Variants in IL1RAPL2 observed in about 807,000 individuals in gnomAD.
The protein encoded by IL1RAPL2 is X-linked interleukin-1 receptor accessory protein-like 2.
In IL1RAPL2, 3 loss-of-function variants were observed where a neutral mutation model predicts 44.1. The observed-to-expected ratio is 0.07, with a 90% CI of 0.03 to 0.18. IL1RAPL2 has a LOEUF of 0.18. Ranked by LOEUF, IL1RAPL2 falls within the 10% of genes least tolerant of loss-of-function variation. IL1RAPL2 has a pLI of 1.00. For missense variants in IL1RAPL2, 391 were observed against 496.4 expected (o/e 0.79, Z 2.02); for synonymous variants, 181 against 178.8 (o/e 1.01, Z -0.10).
intron 6 of IL1RAPL2, among the ~76,000 whole-genome samples, chrX:105,651,511 A>T (rs1303910603): frequency 8.9e-6 from 1 of 112,133 alleles, no homozygotes; most frequent in Non-Finnish European, 1.9e-5. Flanking sequence ...GGACAAAATG[A>T]TATCTCAAGA....
At position 104,671,000 on chromosome X, in the gene IL1RAPL2, T is replaced by C. The variant is rs1930588383; in HGVS notation, c.82+12005T>C. ...TATTGCATACAGGATAAAGGTAAAA[T>C]GCCTTGTAGCATATAATATATGGCA... On this transcript the variant is annotated intron_variant, in intron 2 of 10. Coordinates refer to ENST00000372582, the MANE Select transcript of IL1RAPL2 (RefSeq NM_017416.2). 2.7e-5 allele frequency among the ~76,000 whole-genome samples: 3 copies of C among 111,463 alleles called. No individual in the cohort carries two copies. In the South Asian group the frequency reaches 1.1e-3, roughly 42 times the overall value.
At chrX:105,170,550 A>G (rs765171198) in intron 2 of IL1RAPL2, among the ~76,000 whole-genome samples, 207 of 111,671 alleles carry the variant, frequency 1.9e-3, no homozygotes, top group Non-Finnish European at 3.3e-3. Context: ...CAATGACCCC[A>G]TGAAGTAGTC....
intron 6 of IL1RAPL2, among the ~76,000 whole-genome samples, chrX:105,703,316 C>A (rs982126355): frequency 2.7e-5 from 3 of 110,837 alleles, no homozygotes; most frequent in African/African-American, 9.8e-5. Context: ...CTATTGAGAA[C>A]CATTTAAATT....
intron 5 of IL1RAPL2, among the ~76,000 whole-genome samples, chrX:105,272,282 T>TA (rs377125862): frequency 1.7e-3 from 177 of 103,287 alleles, no homozygotes; most frequent in Admixed American, 3.2e-3. Flanking sequence ...TAAAGTATAA[T>TA]AAAAAAAAAA....
chrX:105,272,586 C>T (rs1222186307), intron 5 of IL1RAPL2, among the ~76,000 whole-genome samples: 1 of 111,838 alleles, frequency 8.9e-6, no homozygotes, highest in African/African-American at 3.2e-5. Context: ...AACCCATTGG[C>T]ATTTGAATAT....
intron 1 of IL1RAPL2, among the ~76,000 whole-genome samples, chrX:104,648,512 A>C (rs1945429677): frequency 8.9e-6 from 1 of 112,403 alleles, no homozygotes; most frequent in Non-Finnish European, 1.9e-5. Flanking sequence ...AATTTTGAGA[A>C]GACTATTGAC....
chrX:105,209,613 A>G (rs2033792020), intron 3 of IL1RAPL2, among the ~76,000 whole-genome samples: 2 of 111,873 alleles, frequency 1.8e-5, no homozygotes, highest in South Asian at 3.8e-4. Flanking sequence ...TGCTTACTCA[A>G]GGGCTCAAAG....
chrX:105,405,713 A>G (rs1363642411), intron 5 of IL1RAPL2: 9 of 961,960 alleles, frequency 9.4e-6, no homozygotes, highest in Admixed American at 2.2e-5. Context: ...ACTTAAATGA[A>G]TATGACTGAT....
intron 5 of IL1RAPL2, among the ~76,000 whole-genome samples, chrX:105,418,370 T>C (rs2035749687): frequency 9.0e-6 from 1 of 111,446 alleles, no homozygotes; most frequent in South Asian, 3.7e-4. Flanking sequence ...GTTAAAGCTC[T>C]CCCTGCCTCA....
chrX:104,608,067 A>G (rs1238477933), intron 1 of IL1RAPL2, among the ~76,000 whole-genome samples: 1 of 111,785 alleles, frequency 8.9e-6, no homozygotes, highest in Non-Finnish European at 1.9e-5. Context: ...GGATGAGTTC[A>G]TGTCCTTTGC....
intron 5 of IL1RAPL2, among the ~76,000 whole-genome samples, chrX:105,272,217 G>A (rs1309544261): frequency 1.9e-5 from 2 of 107,968 alleles, no homozygotes; most frequent in African/African-American, 3.4e-5. Context: ...CACCAGCATG[G>A]CACATGTATA....
intron 6 of IL1RAPL2, among the ~76,000 whole-genome samples, chrX:105,688,392 A>G (rs917376744): frequency 9.8e-5 from 11 of 111,997 alleles, no homozygotes; most frequent in Non-Finnish European, 2.1e-4. Flanking sequence ...TACAAAATCA[A>G]TGTGCAAAAA....
intron 2 of IL1RAPL2, among the ~76,000 whole-genome samples, chrX:105,003,735 T>C (rs1035684960): frequency 5.4e-5 from 6 of 110,249 alleles, no homozygotes; most frequent in African/African-American, 2.0e-4. Context: ...CATCTGTCCA[T>C]TCACGCTTGT....
intron 5 of IL1RAPL2, among the ~76,000 whole-genome samples, chrX:105,271,605 A>T (rs2034446935): frequency 9.0e-6 from 1 of 110,941 alleles, no homozygotes; most frequent in Non-Finnish European, 1.9e-5. Flanking sequence ...AAGAAGAGAA[A>T]GTCTGCCTTA....
At chrX:105,473,332 T>C (rs891337840) in intron 5 of IL1RAPL2, among the ~76,000 whole-genome samples, 8 of 111,813 alleles carry the variant, frequency 7.2e-5, no homozygotes, top group East Asian at 2.8e-4. Context: ...TCTCTGGTAA[T>C]GTAAAGCTGA....
At chrX:104,697,796 A>G (rs1931206248) in intron 2 of IL1RAPL2, among the ~76,000 whole-genome samples, 1 of 112,595 alleles carries the variant, frequency 8.9e-6, no homozygotes, top group Non-Finnish European at 1.9e-5. Context: ...ATGAATAGAC[A>G]GAAATTATAT....
At chrX:105,243,170 C>A (rs782025843) in intron 4 of IL1RAPL2, among the ~76,000 whole-genome samples, 2 of 110,548 alleles carry the variant, frequency 1.8e-5, no homozygotes, top group Non-Finnish European at 3.8e-5. Context: ...AATTGTAATC[C>A]CCACATGTCA....
intron 2 of IL1RAPL2, among the ~76,000 whole-genome samples, chrX:104,706,696 C>T (rs1931367105): frequency 1.8e-5 from 2 of 111,954 alleles, no homozygotes; most frequent in Admixed American, 9.5e-5. Flanking sequence ...ACAAGGCTTG[C>T]CTTTATTTTT....
intron 2 of IL1RAPL2, among the ~76,000 whole-genome samples, chrX:104,764,883 C>T: frequency 8.9e-6 from 1 of 112,187 alleles, no homozygotes; most frequent in East Asian, 2.8e-4. Context: ...GTTGAACCAT[C>T]CTTGCATCCC....
Sources: gnomAD v4.1 joint callset for allele counts (sites outside exome capture counted in the v4.1 genomes callset) on GRCh38, gnomAD v4.1.1 for gene constraint, MANE v1.5 for transcripts, NCBI Gene and HGNC (gene_info 2026-07-23, HGNC 2026-07-21) for gene names.